OXR1: variants seen among roughly 807,000 people sequenced by gnomAD.
The protein encoded by OXR1 is oxidation resistance protein 1.
OXR1 carries 41 observed loss-of-function variants against 104.6 expected under a neutral mutation model. The ratio of observed to expected loss-of-function variants is 0.39; its 90% CI spans 0.31 to 0.51. OXR1 has a LOEUF of 0.51. OXR1 is among the 20% of genes least tolerant of loss of function. The pLI is 0.77. For synonymous variants in OXR1, 348 were observed against 348.4 expected, an observed-to-expected ratio of 1.00 and a Z score of 0.01; for missense variants, 955 against 1,031.9, an observed-to-expected ratio of 0.93 and a Z score of 1.02.
chr8:106,716,295 G>A (rs1023468255), intron 11 of OXR1, among the ~76,000 whole-genome samples: 1 of 152,142 alleles, frequency 6.6e-6, no homozygotes, highest in African/African-American at 2.4e-5. Context: ...CATTTAAAAT[G>A]TGGCCAATCT....
intron 2 of OXR1, among the ~76,000 whole-genome samples, chr8:106,405,160 A>G (rs1187013290): frequency 0.012 from 287 of 23,972 alleles, 20 homozygotes; most frequent in African/African-American, 0.032. Context: ...ATATATATAT[A>G]TATATATATA....
chr8:106,379,888 A>G (rs1297153310), intron 2 of OXR1, among the ~76,000 whole-genome samples: 1 of 152,134 alleles, frequency 6.6e-6, no homozygotes, highest in Non-Finnish European at 1.5e-5. Flanking sequence ...AGGAATGTGT[A>G]TCCCTGCCTA....
At chr8:106,567,871 T>G (rs1027063280) in intron 3 of OXR1, among the ~76,000 whole-genome samples, 1 of 152,194 alleles carries the variant, frequency 6.6e-6, no homozygotes, top group Non-Finnish European at 1.5e-5. Flanking sequence ...TATGTCATCA[T>G]TGAATAATTT....
chr8:106,667,614 T>C (rs1826478900), intron 3 of OXR1, among the ~76,000 whole-genome samples: 1 of 152,182 alleles, frequency 6.6e-6, no homozygotes, highest in Non-Finnish European at 1.5e-5. Flanking sequence ...ACTGGAATTA[T>C]GATCATTCTT....
Position 106,516,758 on chromosome 8 carries a change from A to G in OXR1, c.24-2185A>G, listed in dbSNP as rs76464625. On this transcript the variant is annotated intron_variant, in intron 2 of 16. Coordinates refer to ENST00000517566, the MANE Select transcript of OXR1 (RefSeq NM_001198533.2). ...TTCTGCAGTTTCAGTTAACTGCAAT[A>G]TAGTACAATATGATATTTTAAGAGA... Among the ~76,000 whole-genome samples the G allele has an allele frequency of 5.9e-3, 899 of 152,294 alleles. 10 individuals are homozygous for G. Among genetic ancestry groups the G allele is most frequent in the African/African-American group, 0.02 (847 of 41,560 alleles).
intron 11 of OXR1, among the ~76,000 whole-genome samples, chr8:106,716,070 C>G (rs1832217514): frequency 2.0e-5 from 3 of 152,014 alleles, no homozygotes; most frequent in South Asian, 4.1e-4. Flanking sequence ...ATACTTGGTT[C>G]CATTATTGGA....
chr8:106,748,286 AG>A (rs1835565398), intron 16 of OXR1, among the ~76,000 whole-genome samples: 2 of 152,182 alleles, frequency 1.3e-5, no homozygotes, highest in Non-Finnish European at 2.9e-5. Context: ...CTCATGGGAC[AG>A]GGGGCATTTT....
intron 3 of OXR1, among the ~76,000 whole-genome samples, chr8:106,637,855 G>A (rs893839152): frequency 1.3e-5 from 2 of 149,920 alleles, no homozygotes; most frequent in Non-Finnish European, 3.0e-5. Flanking sequence ...TCTGCCTCCC[G>A]GGTTCACGCC....
At chr8:106,513,259 A>C (rs1435553618) in intron 2 of OXR1, among the ~76,000 whole-genome samples, 2 of 152,148 alleles carry the variant, frequency 1.3e-5, no homozygotes, top group Admixed American at 6.6e-5. Flanking sequence ...GAGCTGGTTG[A>C]AATGGGATTG....
At chr8:106,537,876 G>A (rs928548328) in intron 3 of OXR1, among the ~76,000 whole-genome samples, 1 of 152,082 alleles carries the variant, frequency 6.6e-6, no homozygotes, top group Admixed American at 6.6e-5. Context: ...AGAGAGGAAG[G>A]AGAGAGGAAA....
At chr8:106,276,624 A>C (rs1236506455) in intron 1 of OXR1, among the ~76,000 whole-genome samples, 1 of 152,158 alleles carries the variant, frequency 6.6e-6, no homozygotes, top group Non-Finnish European at 1.5e-5. Context: ...ATCTCCATCC[A>C]AACCTCTTTC....
chr8:106,345,916 T>C (rs1279377687), intron 1 of OXR1, among the ~76,000 whole-genome samples: 1 of 152,196 alleles, frequency 6.6e-6, no homozygotes, highest in African/African-American at 2.4e-5. Flanking sequence ...CTGATGGCGC[T>C]GTAATTCTTT....
intron 2 of OXR1, among the ~76,000 whole-genome samples, chr8:106,459,082 G>A (rs1477066482): frequency 1.3e-5 from 2 of 152,198 alleles, no homozygotes; most frequent in African/African-American, 2.4e-5. Flanking sequence ...TGCACTGTTA[G>A]AAGGACATAA....
intron 15 of OXR1, among the ~76,000 whole-genome samples, chr8:106,745,168 T>C (rs1177207207): frequency 1.3e-5 from 2 of 152,152 alleles, no homozygotes; most frequent in Non-Finnish European, 2.9e-5. Flanking sequence ...TTGCTAGAAA[T>C]TGCTACTATG....
intron 3 of OXR1, among the ~76,000 whole-genome samples, chr8:106,636,014 A>AT (rs939708654): frequency 1.3e-5 from 2 of 152,064 alleles, no homozygotes; most frequent in African/African-American, 4.8e-5. Context: ...CTTAGTTATG[A>AT]TTTTCTTAAA....
At chr8:106,544,313 A>G (rs1054488028) in intron 3 of OXR1, among the ~76,000 whole-genome samples, 7 of 152,074 alleles carry the variant, frequency 4.6e-5, no homozygotes, top group Non-Finnish European at 1.0e-4. Flanking sequence ...TTAGCAATCA[A>G]TGAGATTTGA....
intron 2 of OXR1, among the ~76,000 whole-genome samples, chr8:106,492,605 C>G (rs148321311): frequency 6.6e-6 from 1 of 152,228 alleles, no homozygotes; most frequent in Non-Finnish European, 1.5e-5. Context: ...GTTTACCATT[C>G]CCCCCTCCAG....
At chr8:106,602,645 G>T (rs1238364112) in intron 3 of OXR1, among the ~76,000 whole-genome samples, 1 of 152,078 alleles carries the variant, frequency 6.6e-6, no homozygotes, top group African/African-American at 2.4e-5. Context: ...CAAATTAGAA[G>T]TTAGGTGAAC....
Position 106,691,269 on chromosome 8 carries a change from C to T in OXR1, c.526-1459C>T, listed in dbSNP as rs537425217. On this transcript the variant is annotated intron_variant, in intron 6 of 16. Coordinates refer to ENST00000517566, the MANE Select transcript of OXR1 (RefSeq NM_001198533.2). ...ATTATGCAGGGAAGCATCAGCAAGC[C>T]ATCAAATGAGCTGCAAAACCACCTC... Among the ~76,000 whole-genome samples the T allele has an allele frequency of 2.6e-5, 4 of 152,004 alleles. No individual in the cohort carries two copies. In the South Asian group the frequency reaches 8.3e-4, roughly 32 times the overall value.
Sources: gnomAD v4.1 joint callset for allele counts (sites outside exome capture counted in the v4.1 genomes callset) on GRCh38, gnomAD v4.1.1 for gene constraint, MANE v1.5 for transcripts, NCBI Gene and HGNC (gene_info 2026-07-23, HGNC 2026-07-21) for gene names.